ZNF442: variants seen among roughly 807,000 people sequenced by gnomAD.
ZNF442 encodes zinc finger protein 442.
ZNF442 carries 45 observed loss-of-function variants against 57.0 expected under a neutral mutation model. The observed-to-expected ratio is 0.79, with a 90% CI of 0.62 to 1.01. The LOEUF (loss-of-function observed/expected upper bound fraction) is 1.01, where lower values mean the gene tolerates loss of function less well. ZNF442 is among the 50% of genes least tolerant of loss of function. The probability of loss-of-function intolerance (pLI) is 0.00; values close to 1 mark genes in which losing one functional copy is unlikely to be tolerated. For synonymous variants in ZNF442, 213 were observed against 241.8 expected, an observed-to-expected ratio of 0.88 and a Z score of 1.10; for missense variants, 690 against 756.5, an observed-to-expected ratio of 0.91 and a Z score of 1.03.
At chr19:12,368,743 A>C (rs1211074819), upstream of ZNF442, among the ~76,000 whole-genome samples, 1 of 152,202 alleles carries the variant, frequency 6.6e-6, no homozygotes, top group East Asian at 1.9e-4. Context: ...CTGCTAGGAC[A>C]GATAATAAAG....
chr19:12,367,354 C>T (rs1267245803), upstream of ZNF442, among the ~76,000 whole-genome samples: 2 of 152,168 alleles, frequency 1.3e-5, no homozygotes, highest in East Asian at 3.8e-4. Flanking sequence ...ACAAAGATCA[C>T]ATGCCTCAAA....
chr19:12,351,348 G>C, intron 5 of ZNF442, 30 bp from the exon 6 acceptor site: 1 of 1,556,336 alleles, frequency 6.4e-7, no homozygotes, highest in South Asian at 1.2e-5. Flanking sequence ...TATTAATAAA[G>C]GTTTATTTAT....
At chr19:12,356,733 G>GA (rs1164259574) in intron 3 of ZNF442, among the ~76,000 whole-genome samples, 6 of 151,446 alleles carry the variant, frequency 4.0e-5, no homozygotes, top group Admixed American at 2.6e-4. Context: ...AGACCACAAA[G>GA]AAAAAAATGC....
chr19:12,349,654 T>G lies in ZNF442; in HGVS notation c.*47A>C, dbSNP rs1969180723. 1.3e-6 allele frequency: 2 copies of G among 1,538,068 alleles called. No homozygotes were observed. The highest frequency in any genetic ancestry group is 4.5e-5 in the East Asian group (2 of 44,430). On this transcript the variant is annotated 3_prime_UTR_variant, in exon 6 of 6. Coordinates refer to ENST00000242804, the MANE Select transcript of ZNF442 (RefSeq NM_030824.3). ...TGAGGCTTATCTCCTATGTGATTTC[T>G]TTCACGTTTCTGAAATGAAATAAAA...
In ZNF442 at chr19:12,346,219, A is replaced by G. The variant is rs970656359; in HGVS notation, c.*3482T>C. Reference sequence around the variant, plus strand: ...ATTTTCTAAATATTAAAAACTAAAAATTTTAAATAAGAATTCCTATAACTC... The same window carrying G: ...ATTTTCTAAATATTAAAAACTAAAAGTTTTAAATAAGAATTCCTATAACTC... On this transcript the variant is annotated 3_prime_UTR_variant, in exon 6 of 6. Coordinates refer to ENST00000242804, the MANE Select transcript of ZNF442 (RefSeq NM_030824.3). The G allele has an allele frequency of 6.6e-6, 1 of 152,160 alleles. No individual in the cohort carries two copies. The highest frequency in any genetic ancestry group is 1.5e-5 in the Non-Finnish European group (1 of 68,026). The allele number at this position is 152,160 out of a possible 1,614,324, so 9.4% of individuals were successfully genotyped here.
rs976330687 is a variant in ZNF442, at chr19:12,350,333, T to G, written c.1252A>C (p.Ser418Arg). 5.0e-6 allele frequency: 8 copies of G among 1,613,832 alleles called. No homozygotes were observed. Among genetic ancestry groups the G allele is most frequent in the Admixed American group, 3.3e-5 (2 of 59,990 alleles). The stretch of plus-strand genomic sequence containing the variant: ...GTCCTTTCATGTCCTTGAAATACAC[T>G]GGGATAAATGAAGGCTTTCCCACAT... ...KVCGKAFIYP[S>R]VFQGHERTHT... Residue 418 changes from serine (S) to arginine (R), a missense_variant, in exon 6 of 6, where the codon AGT (serine) becomes CGT (arginine). Coordinates refer to ENST00000242804, the MANE Select transcript of ZNF442 (RefSeq NM_030824.3).
At chr19:12,358,341 C>T (rs1969368905) in intron 3 of ZNF442, among the ~76,000 whole-genome samples, 1 of 152,128 alleles carries the variant, frequency 6.6e-6, no homozygotes, top group Non-Finnish European at 1.5e-5. Flanking sequence ...TAATTGCCTC[C>T]CAATCCATCC....
chr19:12,350,094 G>A lies in ZNF442; in HGVS notation c.1491C>T (p.Phe497=). ...GTTGAGAAAGGTATGTGAAACAACTGAATGCTTTCCCACATTCCTTACACT... is the reference window on the plus strand; with the variant it reads ...GTTGAGAAAGGTATGTGAAACAACTAAATGCTTTCCCACATTCCTTACACT... The part of the protein sequence containing the change: ...PYECKECGKA[F]SCFTYLSQHR... The change falls in exon 6 of 6, where the codon TTC becomes TTT. Residue 497 remains phenylalanine, a synonymous_variant. Transcript: ENST00000242804. 6.2e-7 allele frequency: 1 copy of A among 1,612,448 alleles called. No individual in the cohort carries two copies. The highest frequency in any genetic ancestry group is 8.5e-7 in the Non-Finnish European group (1 of 1,179,506).
At chr19:12,369,389 C>T (rs543764482), upstream of ZNF442, among the ~76,000 whole-genome samples, 10 of 152,246 alleles carry the variant, frequency 6.6e-5, no homozygotes, top group South Asian at 1.2e-3. Context: ...GAGGCCGAGG[C>T]GGGTGGATCA....
chr19:12,354,379 A>T (rs28602668), intron 3 of ZNF442, among the ~76,000 whole-genome samples: 3 of 152,192 alleles, frequency 2.0e-5, no homozygotes, highest in African/African-American at 7.2e-5. Context: ...GACAGATTGC[A>T]CATGTTCTTA....
chr19:12,367,920 G>A (rs781231105), upstream of ZNF442, among the ~76,000 whole-genome samples: 4 of 152,012 alleles, frequency 2.6e-5, no homozygotes, highest in Admixed American at 6.6e-5. Context: ...CACCCGCCTC[G>A]GCCTCTCAAA....
chr19:12,360,794 C>T (rs566361997), intron 3 of ZNF442, among the ~76,000 whole-genome samples: 24 of 152,238 alleles, frequency 1.6e-4, no homozygotes, highest in South Asian at 1.2e-3. Context: ...GCACGAGAAT[C>T]ACATAAACCT....
rs1251238930 is a variant in ZNF442, at chr19:12,350,013, G to A, written c.1572C>T (p.Ala524=). ...CTTTTAAGTTACCAAAATGACTGAA[G>A]GCTTTCTTACATGTTTTACATTCAT... The part of the protein sequence containing the change: ...KPYECKTCKK[A]FSHFGNLKVH... Residue 524 remains alanine, a synonymous_variant, in exon 6 of 6, where the codon GCC becomes GCT. Transcript: ENST00000242804. 2 of 1,613,992 alleles carry A rather than the reference G, an allele frequency of 1.2e-6. No homozygotes were observed. Among genetic ancestry groups the A allele is most frequent in the Non-Finnish European group, 1.7e-6 (2 of 1,180,024 alleles).
chr19:12,351,020 T>C lies in ZNF442; in HGVS notation c.565A>G (p.Thr189Ala), dbSNP rs199699934. Residue 189 changes from threonine to alanine, a missense_variant, in exon 6 of 6, where the codon ACC (threonine) becomes GCC (alanine). Transcript: ENST00000242804. ...KRYDCKECGK[T>A]FSSSGNLRRH... The stretch of plus-strand genomic sequence containing the variant: ...CGAAGGTTTCCCGAAGAACTGAAGG[T>C]TTTCCCACATTCCTTACAATCATAG... 1.3e-4 allele frequency: 208 copies of C among 1,613,882 alleles called. 1 individual carries two copies. The East Asian group carries it at 1.8e-3, about 14-fold the overall frequency.
chr19:12,350,114 T>A lies in ZNF442; in HGVS notation c.1471A>T (p.Lys491Ter), dbSNP rs1472788769. Residue 491 changes from lysine to a stop codon, truncating the protein, a stop_gained, in exon 6 of 6, where the codon AAG (lysine) becomes TAG (stop). Coordinates refer to ENST00000242804, the MANE Select transcript of ZNF442 (RefSeq NM_030824.3). LOFTEE classifies it high-confidence loss of function. Reference sequence around the variant, plus strand: ...CAACTGAATGCTTTCCCACATTCCTTACACTCATATGGCTTCTCTCCAGTG... The same window carrying A: ...CAACTGAATGCTTTCCCACATTCCTAACACTCATATGGCTTCTCTCCAGTG... ...THTGEKPYEC[K>*]ECGKAFSCFT... 6.2e-7 allele frequency: 1 copy of A among 1,614,094 alleles called. No individual in the cohort carries two copies. The highest frequency in any genetic ancestry group is 1.7e-5 in the Admixed American group (1 of 60,004).
At position 12,350,283 on chromosome 19, in the gene ZNF442, T is replaced by C; in HGVS notation, c.1302A>G (p.Glu434=). ...GGAAGGCTTTACCACATTCTTTACA[T>C]TCATAGGGTTTCTCACCAGTATGAG... ...ERTHTGEKPY[E]CKECGKAFRI... Residue 434 remains glutamate (E), a synonymous_variant, in exon 6 of 6, where the codon GAA becomes GAG. Transcript: ENST00000242804. 1.2e-6 allele frequency: 2 copies of C among 1,613,812 alleles called. No homozygotes were observed. The highest frequency in any genetic ancestry group is 1.7e-5 in the Admixed American group (1 of 60,002).
At chr19:12,351,917 G>C (rs1175042499) in intron 5 of ZNF442, 93 bp downstream of exon 5, 1 of 1,126,468 alleles carries the variant, frequency 8.9e-7, no homozygotes, top group Non-Finnish European at 1.3e-6. Flanking sequence ...TTTGTACTGG[G>C]CTCGTTCATT....
Position 12,349,875 on chromosome 19 carries a change from T to C in ZNF442, c.1710A>G (p.Lys570=), listed in dbSNP as rs756919549. The change falls in exon 6 of 6, where the codon AAA becomes AAG. Residue 570 remains lysine (K), a synonymous_variant. Coordinates refer to ENST00000242804, the MANE Select transcript of ZNF442 (RefSeq NM_030824.3). ...LRHERIHTGK[K]SYECQQCGKA... ...TACCACATTGTTGACATTCATAAGA[T>C]TTCTTTCCAGTGTGAATTCTTTCAT... 6.2e-7 allele frequency: 1 copy of C among 1,613,902 alleles called. No homozygotes were observed. Among genetic ancestry groups the C allele is most frequent in the Non-Finnish European group, 8.5e-7 (1 of 1,179,966 alleles).
At chr19:12,368,808 C>T (rs1382910142), upstream of ZNF442, among the ~76,000 whole-genome samples, 3 of 152,162 alleles carry the variant, frequency 2.0e-5, no homozygotes, top group Non-Finnish European at 2.9e-5. Context: ...TTTCCACACG[C>T]GGTGAGCAGC....
Sources: gnomAD v4.1 joint callset for allele counts (sites outside exome capture counted in the v4.1 genomes callset) on GRCh38, gnomAD v4.1.1 for gene constraint, MANE v1.5 for transcripts, NCBI Gene and HGNC (gene_info 2026-07-23, HGNC 2026-07-21) for gene names.